The following RNF150 variants were observed in gnomAD, a reference collection of about 807,000 sequenced individuals.
RNF150 encodes ring finger protein 150.
In RNF150, 24 loss-of-function variants were observed where a neutral mutation model predicts 39.3. The observed-to-expected ratio is 0.61, with a 90% CI of 0.44 to 0.86. RNF150 has a LOEUF of 0.86. Among genes scored for constraint, RNF150 ranks in the 40% least tolerant of loss-of-function variants. The pLI is 0.00. For missense variants in RNF150, 502 were observed against 587.8 expected (o/e 0.85, Z 1.51); for synonymous variants, 255 against 227.3 (o/e 1.12, Z -1.10).
intron 6 of RNF150, among the ~76,000 whole-genome samples, chr4:140,871,289 A>G (rs542325286): frequency 1.3e-4 from 20 of 152,282 alleles, no homozygotes; most frequent in African/African-American, 4.3e-4. Flanking sequence ...AATAATTATT[A>G]GATAGAATGA....
intron 1 of RNF150, among the ~76,000 whole-genome samples, chr4:141,083,656 T>C (rs189183995): frequency 2.6e-5 from 4 of 152,252 alleles, no homozygotes; most frequent in African/African-American, 4.8e-5. Context: ...CCTTCTTTTT[T>C]TCCCCAAAGG....
At chr4:141,004,348 A>G (rs1734790567) in intron 1 of RNF150, among the ~76,000 whole-genome samples, 1 of 152,178 alleles carries the variant, frequency 6.6e-6, no homozygotes, top group Non-Finnish European at 1.5e-5. Context: ...TAGGGTTAGG[A>G]GTCAAGAAAG....
rs191338676 is a variant in RNF150, at chr4:140,935,551, T to C, written c.891-9478A>G. 2.6e-4 allele frequency among the ~76,000 whole-genome samples: 40 copies of C among 152,264 alleles called. No homozygotes were observed. The East Asian group carries it at 5.2e-3, about 20-fold the overall frequency. On this transcript the variant is annotated intron_variant, in intron 4 of 6. Transcript: ENST00000515673. ...ACATTTGCTATGTTGAAAAACAACATCATTTACAGCACTGCCATCTCTTTC... is the reference window on the plus strand; with the variant it reads ...ACATTTGCTATGTTGAAAAACAACACCATTTACAGCACTGCCATCTCTTTC...
At chr4:141,163,166 C>A (rs1341433747) in intron 1 of RNF150, among the ~76,000 whole-genome samples, 1 of 152,186 alleles carries the variant, frequency 6.6e-6, no homozygotes, top group Admixed American at 6.5e-5. Context: ...TTTCCCCTCA[C>A]AGTGTAAACA....
intron 1 of RNF150, among the ~76,000 whole-genome samples, chr4:141,146,855 T>C (rs1727213129): frequency 6.6e-6 from 1 of 152,172 alleles, no homozygotes; most frequent in African/African-American, 2.4e-5. Flanking sequence ...ATACCTTCTT[T>C]CCACTCTCAA....
chr4:141,180,479 G>A lies in RNF150; in HGVS notation c.-6+32315C>T, dbSNP rs529301463. ...TTCTGTCTGTAGGTGACAGATAATG[G>A]ATAAGGGAATTGGAGATGTTTTTTG... On this transcript the variant is annotated intron_variant, in intron 1 of 7. Transcript: ENST00000420921. 9.9e-5 allele frequency among the ~76,000 whole-genome samples: 15 copies of A among 152,262 alleles called. No homozygotes were observed. In the South Asian group the frequency reaches 3.1e-3, roughly 32 times the overall value.
At chr4:140,949,712 C>G (rs1286802584) in intron 2 of RNF150, among the ~76,000 whole-genome samples, 1 of 151,668 alleles carries the variant, frequency 6.6e-6, no homozygotes, top group Admixed American at 6.6e-5. Flanking sequence ...TAATTTGCCA[C>G]TCTAGCCACT....
At position 140,899,003 on chromosome 4, in the gene RNF150, G is replaced by A. The variant is rs41337747; in HGVS notation, c.1198+12141C>T. Among the ~76,000 whole-genome samples the A allele has an allele frequency of 5.1e-4, 78 of 152,246 alleles. 3 individuals carry two copies. The East Asian group carries it at 0.013, about 26-fold the overall frequency. On this transcript the variant is annotated intron_variant, in intron 6 of 6. Transcript: ENST00000515673. ...TCTACTAATTGTTCCTCCCTGCTGC[G>A]AACATTAGATACGAGACAGTGTGTT...
Position 141,132,817 on chromosome 4 carries a change from GC to G in RNF150, c.-10del. ...ATGAGAGACATTGCCATCTTTATCCGCCGGGGCCCCCTCCCCGCCCCCGCGC... is the reference window on the plus strand; with the variant it reads ...ATGAGAGACATTGCCATCTTTATCCGCGGGGCCCCCTCCCCGCCCCCGCGC... On this transcript the variant is annotated 5_prime_UTR_variant, in exon 1 of 7. Transcript: ENST00000515673. This position sits in a 1 kb window ranked among gnomAD's most constrained non-coding sequence, Gnocchi z 4.9. 3.1e-6 allele frequency: 5 copies of G among 1,606,936 alleles called. No individual in the cohort carries two copies. The highest frequency in any genetic ancestry group is 4.3e-6 in the Non-Finnish European group (5 of 1,176,358).
chr4:140,941,406 T>C (rs1732077899), intron 4 of RNF150, among the ~76,000 whole-genome samples: 1 of 152,224 alleles, frequency 6.6e-6, no homozygotes, highest in Non-Finnish European at 1.5e-5. Context: ...AAATCTCTTG[T>C]ACAGAGTTAA....
intron 1 of RNF150, among the ~76,000 whole-genome samples, chr4:141,116,894 G>T (rs1739565622): frequency 6.6e-6 from 1 of 151,848 alleles, no homozygotes; most frequent in Non-Finnish European, 1.5e-5. Flanking sequence ...CACAGGAACA[G>T]AAAACCAAAC....
intron 1 of RNF150, among the ~76,000 whole-genome samples, chr4:141,103,465 C>T (rs978187789): frequency 6.6e-6 from 1 of 152,138 alleles, no homozygotes; most frequent in Non-Finnish European, 1.5e-5. Flanking sequence ...TGTTGGATAA[C>T]ATGGGGGGAG....
Position 140,870,456 on chromosome 4 carries a change from A to ATGTGTGTGTGTG in RNF150, c.1199-2089_1199-2078dup, listed in dbSNP as rs36234235. 7.3e-3 allele frequency among the ~76,000 whole-genome samples: 1,083 copies of ATGTGTGTGTGTG among 147,794 alleles called. 8 individuals are homozygous for ATGTGTGTGTGTG. Among genetic ancestry groups the ATGTGTGTGTGTG allele is most frequent in the African/African-American group, 0.026 (1,046 of 40,296 alleles). ...TCTCCCATCTTCATTTTGTGCGTGT[A>ATGTGTGTGTGTG]TGTGTGTGTGTGTGTGTGTGTGTGT... On this transcript the variant is annotated intron_variant, in intron 6 of 6. Coordinates refer to ENST00000515673, the MANE Select transcript of RNF150 (RefSeq NM_020724.2).
chr4:140,955,514 C>A (rs1331508575), intron 2 of RNF150, among the ~76,000 whole-genome samples: 2 of 152,172 alleles, frequency 1.3e-5, no homozygotes, highest in Non-Finnish European at 1.5e-5. Flanking sequence ...AATGTCATCT[C>A]TAGCTTTATC....
chr4:141,075,542 T>C (rs1157498611), intron 1 of RNF150, among the ~76,000 whole-genome samples: 2 of 152,242 alleles, frequency 1.3e-5, no homozygotes, highest in Non-Finnish European at 2.9e-5. Context: ...TATTTTCCCC[T>C]GAATTATTTA....
rs552606304 is a variant in RNF150, at chr4:141,158,910, T to G, written c.-6+53884A>C. On this transcript the variant is annotated intron_variant, in intron 1 of 7. Coordinates refer to the RNF150 transcript ENST00000420921. ...TTGCCATTAGTTCTTCATTCCTTTT[T>G]GTTAAGTTTATGTTACCATCTTGAG... is the stretch of plus-strand genomic sequence containing the variant. Among the ~76,000 whole-genome samples, 4 of 152,360 alleles carry G rather than the reference T, an allele frequency of 2.6e-5. No homozygotes were observed. In the South Asian group the frequency reaches 8.3e-4, roughly 32 times the overall value.
At chr4:140,917,692 A>G (rs1453844844) in intron 5 of RNF150, among the ~76,000 whole-genome samples, 1 of 152,182 alleles carries the variant, frequency 6.6e-6, no homozygotes, top group Non-Finnish European at 1.5e-5. Flanking sequence ...AAGCGGACCT[A>G]ATAGACATCT....
chr4:141,180,367 G>T (rs1385711431), intron 1 of RNF150, among the ~76,000 whole-genome samples: 1 of 152,070 alleles, frequency 6.6e-6, no homozygotes, highest in African/African-American at 2.4e-5. Context: ...AGTTTCCTTT[G>T]CCTCCTCTTA....
intron 1 of RNF150, among the ~76,000 whole-genome samples, chr4:141,129,775 A>G (rs930137746): frequency 1.3e-5 from 2 of 152,224 alleles, no homozygotes; most frequent in African/African-American, 4.8e-5. Flanking sequence ...AAAAAAACAG[A>G]AAACGTATAT....
Sources: gnomAD v4.1 joint callset for allele counts (sites outside exome capture counted in the v4.1 genomes callset) on GRCh38, gnomAD v4.1.1 for gene constraint, Gnocchi (gnomAD v3.1) non-coding constraint, MANE v1.5 for transcripts, NCBI Gene and HGNC (gene_info 2026-07-23, HGNC 2026-07-21) for gene names.